The following CCDC102B variants were observed in gnomAD, a reference collection of about 807,000 sequenced individuals.
CCDC102B encodes the protein coiled-coil domain containing 102B.
Under a neutral mutation model 57.4 loss-of-function variants are expected in CCDC102B, and 75 were observed. That is an observed-to-expected ratio of 1.31 (90% CI 1.08 to 1.58). CCDC102B has a LOEUF of 1.58. CCDC102B is among the 40% of genes most tolerant of loss of function. The probability of loss-of-function intolerance (pLI) is 0.00; values close to 1 mark genes in which losing one functional copy is unlikely to be tolerated. For synonymous variants in CCDC102B, 206 were observed against 201.9 expected (o/e 1.02, Z -0.17); for missense variants, 636 against 582.6 (o/e 1.09, Z -0.94).
intron 7 of CCDC102B, among the ~76,000 whole-genome samples, chr18:69,045,827 A>T (rs1356620257): frequency 6.6e-6 from 1 of 152,074 alleles, no homozygotes; most frequent in African/African-American, 2.4e-5. Context: ...CTTGTTGTTT[A>T]GCTCCCACTT....
At chr18:68,807,254 A>T (rs544107593) in intron 1 of CCDC102B, among the ~76,000 whole-genome samples, 131 of 152,184 alleles carry the variant, frequency 8.6e-4, no homozygotes, top group African/African-American at 3.0e-3. Flanking sequence ...AATTTAAGAA[A>T]ATTTACTAAT....
At chr18:68,889,557 C>T (rs566646420) in intron 5 of CCDC102B, among the ~76,000 whole-genome samples, 18 of 152,096 alleles carry the variant, frequency 1.2e-4, no homozygotes, top group Non-Finnish European at 2.4e-4. Context: ...GTAGCTGGGA[C>T]TATAGGCATG....
intron 5 of CCDC102B, among the ~76,000 whole-genome samples, chr18:68,888,202 A>G (rs1007726332): frequency 3.9e-5 from 6 of 152,216 alleles, no homozygotes; most frequent in African/African-American, 1.4e-4. Context: ...AAGAAATGGT[A>G]TGGAAAAATA....
intron 1 of CCDC102B, 29 bp from the exon 2 acceptor site, chr18:68,836,720 G>T: frequency 6.5e-6 from 10 of 1,534,106 alleles, no homozygotes; most frequent in Non-Finnish European, 8.8e-6. Flanking sequence ...AAATTTCAGC[G>T]TGAAATTATG....
At chr18:68,879,889 G>A (rs1003914080) in intron 5 of CCDC102B, among the ~76,000 whole-genome samples, 1 of 152,200 alleles carries the variant, frequency 6.6e-6, no homozygotes, top group Non-Finnish European at 1.5e-5. Context: ...TAGACATAAA[G>A]GTTCTCCACG....
At chr18:68,820,642 T>C (rs1188398235) in intron 1 of CCDC102B, among the ~76,000 whole-genome samples, 1 of 152,200 alleles carries the variant, frequency 6.6e-6, no homozygotes, top group African/African-American at 2.4e-5. Context: ...TTTTGAATTC[T>C]TCATAAATAA....
intron 2 of CCDC102B, among the ~76,000 whole-genome samples, chr18:68,791,691 T>C (rs986416401): frequency 1.3e-4 from 20 of 152,136 alleles, no homozygotes; most frequent in Non-Finnish European, 2.5e-4. Flanking sequence ...AGCTAAACTT[T>C]CAAAATTATC....
Position 69,017,359 on chromosome 18 carries a change from A to C in CCDC102B, c.1434+6255A>C, listed in dbSNP as rs116735865. Among the ~76,000 whole-genome samples the C allele has an allele frequency of 4.8e-3, 734 of 152,112 alleles. 13 individuals are homozygous for C. Among genetic ancestry groups the C allele is most frequent in the African/African-American group, 0.016 (668 of 41,518 alleles). ...AGGCTGGTCTTGAACTCCTGAGCTC[A>C]AGTGAGCCACCAGCCTCGAGCTTCC... On this transcript the variant is annotated intron_variant, in intron 7 of 7. Coordinates refer to ENST00000360242, the MANE Select transcript of CCDC102B (RefSeq NM_024781.3).
intron 1 of CCDC102B, among the ~76,000 whole-genome samples, chr18:68,804,375 G>A (rs541875900): frequency 7.2e-5 from 11 of 152,138 alleles, no homozygotes; most frequent in Admixed American, 2.6e-4. Context: ...AGCTGGACAC[G>A]TGAGATCCCA....
intron 6 of CCDC102B, among the ~76,000 whole-genome samples, chr18:68,923,605 T>C (rs2041365808): frequency 6.6e-6 from 1 of 152,026 alleles, no homozygotes; most frequent in South Asian, 2.1e-4. Context: ...CCTATGAGAA[T>C]ATGTAACAAG....
chr18:68,735,992 T>G (rs1346551623), intron 2 of CCDC102B, among the ~76,000 whole-genome samples: 1 of 152,172 alleles, frequency 6.6e-6, no homozygotes. Context: ...GAATCACTTT[T>G]CTCTTGAGAG....
chr18:68,786,186 A>G (rs1469475798), intron 2 of CCDC102B, among the ~76,000 whole-genome samples: 2 of 151,312 alleles, frequency 1.3e-5, no homozygotes, highest in East Asian at 3.9e-4. Context: ...CCATTGATCT[A>G]TATCTCTGTT....
chr18:68,951,025 G>T (rs2049682842), intron 6 of CCDC102B, among the ~76,000 whole-genome samples: 1 of 152,044 alleles, frequency 6.6e-6, no homozygotes, highest in African/African-American at 2.4e-5. Context: ...ACAATCTCAA[G>T]GAATTATTAG....
intron 7 of CCDC102B, among the ~76,000 whole-genome samples, chr18:69,046,014 A>G (rs2052557301): frequency 6.6e-6 from 1 of 152,034 alleles, no homozygotes; most frequent in Admixed American, 6.6e-5. Context: ...TGATGGGCAT[A>G]TAAGTTGATT....
chr18:69,019,436 T>G (rs1246359237), intron 7 of CCDC102B, among the ~76,000 whole-genome samples: 1 of 152,062 alleles, frequency 6.6e-6, no homozygotes, highest in Non-Finnish European at 1.5e-5. Flanking sequence ...TTGGTTAAAT[T>G]TATTCCTAAG....
intron 4 of CCDC102B, among the ~76,000 whole-genome samples, chr18:68,855,169 A>AT (rs2038325719): frequency 6.6e-6 from 1 of 152,180 alleles, no homozygotes; most frequent in Non-Finnish European, 1.5e-5. Context: ...TTCAAGCCCC[A>AT]TTGCAAGATT....
intron 4 of CCDC102B, among the ~76,000 whole-genome samples, chr18:68,854,778 G>A (rs1490050543): frequency 2.6e-5 from 4 of 152,170 alleles, no homozygotes; most frequent in Non-Finnish European, 5.9e-5. Context: ...CAGGCTTAAT[G>A]GGAGTAGATA....
intron 6 of CCDC102B, among the ~76,000 whole-genome samples, chr18:68,979,619 A>G (rs1389655020): frequency 6.6e-6 from 1 of 152,086 alleles, no homozygotes; most frequent in Non-Finnish European, 1.5e-5. Context: ...GATAAAATGC[A>G]GTTCCCTTTG....
chr18:68,938,520 T>C (rs1428699697), intron 6 of CCDC102B, among the ~76,000 whole-genome samples: 8 of 151,884 alleles, frequency 5.3e-5, no homozygotes, highest in Non-Finnish European at 1.2e-4. Context: ...AATACAAATA[T>C]CTTATAACTT....
Sources: gnomAD v4.1 joint callset for allele counts (sites outside exome capture counted in the v4.1 genomes callset) on GRCh38, gnomAD v4.1.1 for gene constraint, MANE v1.5 for transcripts, NCBI Gene and HGNC (gene_info 2026-07-23, HGNC 2026-07-21) for gene names.